Variants in SS18L1 observed in about 807,000 individuals in gnomAD.
SS18L1 encodes SS18L1 subunit of BAF chromatin remodeling complex.
In SS18L1, 32 loss-of-function variants were observed where a neutral mutation model predicts 70.3. The ratio of observed to expected loss-of-function variants is 0.46; its 90% CI spans 0.34 to 0.61. SS18L1 has a LOEUF of 0.61. Ranked by LOEUF, SS18L1 falls within the 20% of genes least tolerant of loss-of-function variation. The pLI is 0.01. For synonymous variants in SS18L1, 237 were observed against 229.7 expected, an observed-to-expected ratio of 1.03 and a Z score of -0.29; for missense variants, 430 against 542.1, an observed-to-expected ratio of 0.79 and a Z score of 2.05.
At chr20:62,146,209 G>A (rs1171491672) in intron 1 of SS18L1, among the ~76,000 whole-genome samples, 6 of 152,290 alleles carry the variant, frequency 3.9e-5, no homozygotes, top group Middle Eastern at 3.4e-3. Flanking sequence ...CACGTGTTCC[G>A]CGTCTCATGC....
chr20:62,182,171 G>T lies in SS18L1; in HGVS notation c.*2963G>T, dbSNP rs2145808122. 1 of 224,704 alleles carries T rather than the reference G, an allele frequency of 4.5e-6. No individual in the cohort carries two copies. Among genetic ancestry groups the T allele is most frequent in the East Asian group, 6.4e-5 (1 of 15,510 alleles). 13.9% of individuals were successfully genotyped at this position (224,704 alleles called of 1,614,324 possible). A position where few individuals can be genotyped will look rare whatever the true frequency, so the allele number is the denominator to read the frequency against. Reference sequence around the variant, plus strand: ...GACAAGATCTCCTAAGATCTGAAAAGAAACCTTAATACGCTCATATGGTTG... The same window carrying T: ...GACAAGATCTCCTAAGATCTGAAAATAAACCTTAATACGCTCATATGGTTG... On this transcript the variant is annotated 3_prime_UTR_variant, in exon 11 of 11. Transcript: ENST00000331758.
At position 62,174,963 on chromosome 20, in the gene SS18L1, G is replaced by C; in HGVS notation, c.1164+319G>C. ...GTCTCTGCTGAGTGCTTGGTGTGTGGCCGCGACACGAACCCTGCACTTTTA... is the reference window on the plus strand; with the variant it reads ...GTCTCTGCTGAGTGCTTGGTGTGTGCCCGCGACACGAACCCTGCACTTTTA... On this transcript the variant is annotated intron_variant, in intron 10 of 10. Transcript: ENST00000331758. The surrounding 1 kb of genome is among the most constrained non-coding windows in gnomAD (Gnocchi z 4.1). 1 of 949,850 alleles carries C rather than the reference G, an allele frequency of 1.1e-6. No individual in the cohort carries two copies. The highest frequency in any genetic ancestry group is 1.3e-6 in the Non-Finnish European group (1 of 797,616). The allele number at this position is 949,850 out of a possible 1,614,324, so 58.8% of individuals were successfully genotyped here.
chr20:62,155,681 C>T (rs765447511), intron 1 of SS18L1, among the ~76,000 whole-genome samples: 1 of 152,190 alleles, frequency 6.6e-6, no homozygotes, highest in African/African-American at 2.4e-5. Context: ...TCCTCCAACC[C>T]CATCTCCTGC....
chr20:62,162,989 C>CA lies in SS18L1; in HGVS notation c.556+59dup, dbSNP rs1016328883. On this transcript the variant is annotated intron_variant, in intron 5 of 10. Coordinates refer to ENST00000331758, the MANE Select transcript of SS18L1 (RefSeq NM_198935.3). ...CTGGGCCTGCCTCCAAGACCCTTGA[C>CA]ACATGCACGTTGGACATGTGGTCCC... The CA allele has an allele frequency of 3.8e-6, 6 of 1,578,388 alleles. 1 individual carries two copies. The highest frequency in any genetic ancestry group is 5.2e-6 in the Non-Finnish European group (6 of 1,161,846).
At position 62,159,866 on chromosome 20, in the gene SS18L1, C is replaced by A. The variant is rs1003206950; in HGVS notation, c.147-11C>A. ...CGTCGTCCTGCCTCATGCGTGCCCC[C>A]TCTCCTGCAGGTACCAGCAGATCCT... On this transcript the variant is annotated splice_polypyrimidine_tract_variant and intron_variant, in intron 2 of 10. Transcript: ENST00000331758. The surrounding 1 kb of genome is among the most constrained non-coding windows in gnomAD (Gnocchi z 4.4). 2 of 1,611,662 alleles carry A rather than the reference C, an allele frequency of 1.2e-6. No homozygotes were observed. Among genetic ancestry groups the A allele is most frequent in the Non-Finnish European group, 1.7e-6 (2 of 1,179,564 alleles).
chr20:62,148,028 A>C (rs956650136), intron 1 of SS18L1, among the ~76,000 whole-genome samples: 1 of 152,166 alleles, frequency 6.6e-6, no homozygotes, highest in Admixed American at 6.5e-5. Context: ...CCAGTGACTG[A>C]ATGGCTTGGG....
intron 1 of SS18L1, among the ~76,000 whole-genome samples, chr20:62,144,285 G>C (rs1292599827): frequency 6.6e-6 from 1 of 152,052 alleles, no homozygotes; most frequent in African/African-American, 2.4e-5. Flanking sequence ...GAGCCGCGGC[G>C]AGGGCTTGTC....
rs1043036497 is a variant in SS18L1 at position 62,156,163 on chromosome 20, G to A, written c.70-2509G>A. Among the ~76,000 whole-genome samples, 42 of 152,188 alleles carry A rather than the reference G, an allele frequency of 2.8e-4. 1 individual carries two copies. The highest frequency in any genetic ancestry group is 3.4e-3 in the Middle Eastern group (1 of 294). On this transcript the variant is annotated intron_variant, in intron 1 of 10. Coordinates refer to ENST00000331758, the MANE Select transcript of SS18L1 (RefSeq NM_198935.3). Reference sequence around the variant, plus strand: ...TGGCTTGCGCCCCCCGGCCCATCCCGGCCCCGTGCTGGGAGTGATGCTGAA... The same window carrying A: ...TGGCTTGCGCCCCCCGGCCCATCCCAGCCCCGTGCTGGGAGTGATGCTGAA...
At chr20:62,169,678 C>G (rs997918461) in intron 8 of SS18L1, among the ~76,000 whole-genome samples, 1 of 151,964 alleles carries the variant, frequency 6.6e-6, no homozygotes, top group African/African-American at 2.4e-5. Context: ...GCTTGTGAGG[C>G]TGAGGTATGA....
Position 62,158,305 on chromosome 20 carries a change from A to C in SS18L1, c.70-367A>C, listed in dbSNP as rs1438514313. On this transcript the variant is annotated intron_variant, in intron 1 of 10. Coordinates refer to ENST00000331758, the MANE Select transcript of SS18L1 (RefSeq NM_198935.3). This position sits in a 1 kb window ranked among gnomAD's most constrained non-coding sequence, Gnocchi z 4.5. ...TACGGATGAAGTCCCCAGCACAGGG[A>C]GGTGTGAATGTTCGGTCTGTGGTGG... is the stretch of plus-strand genomic sequence containing the variant. Among the ~76,000 whole-genome samples the C allele has an allele frequency of 6.6e-6, 1 of 151,440 alleles. No individual in the cohort carries two copies. The highest frequency in any genetic ancestry group is 1.9e-4 in the East Asian group (1 of 5,158).
chr20:62,146,777 G>A (rs999278444), intron 1 of SS18L1, among the ~76,000 whole-genome samples: 3 of 151,820 alleles, frequency 2.0e-5, no homozygotes, highest in African/African-American at 7.3e-5. Context: ...GTGCCACCAC[G>A]CCCGGCTAAT....
At chr20:62,175,611 G>A (rs2057607234) in intron 10 of SS18L1, among the ~76,000 whole-genome samples, 1 of 152,212 alleles carries the variant, frequency 6.6e-6, no homozygotes, top group African/African-American at 2.4e-5. Flanking sequence ...GTGGCTCTGT[G>A]TTGGTGACTC....
At chr20:62,163,398 T>C in intron 5 of SS18L1, 60 bp from the exon 6 acceptor site, 9 of 1,511,708 alleles carry the variant, frequency 6.0e-6, no homozygotes, top group Non-Finnish European at 8.0e-6. Context: ...GGTAGTTGGG[T>C]GTGGGAGGGA....
At chr20:62,170,228 G>A (rs2057506226) in intron 8 of SS18L1, among the ~76,000 whole-genome samples, 1 of 152,228 alleles carries the variant, frequency 6.6e-6, no homozygotes, top group South Asian at 2.1e-4. Context: ...GAAAAGAGCT[G>A]GGCACGGTGG....
At chr20:62,149,271 A>G (rs1362523270) in intron 1 of SS18L1, among the ~76,000 whole-genome samples, 1 of 152,226 alleles carries the variant, frequency 6.6e-6, no homozygotes, top group Non-Finnish European at 1.5e-5. Context: ...GAGGGAGTGC[A>G]GGTCTTCCCG....
At chr20:62,169,976 T>A (rs6142966) in intron 8 of SS18L1, among the ~76,000 whole-genome samples, 19,482 of 152,122 alleles carry the variant, frequency 0.13, 1,773 homozygotes, top group African/African-American at 0.25. Context: ...CCTGTGGGAC[T>A]CATCTTCCCT....
chr20:62,177,579 T>C (rs2057642435), intron 10 of SS18L1, among the ~76,000 whole-genome samples: 1 of 152,220 alleles, frequency 6.6e-6, no homozygotes, highest in Admixed American at 6.5e-5. Context: ...AGAACAGGCA[T>C]GCAGATGATG....
At chr20:62,163,712 G>T (rs993732941) in intron 6 of SS18L1, 90 bp downstream of exon 6, 47 of 1,426,188 alleles carry the variant, frequency 3.3e-5, no homozygotes, top group Admixed American at 5.2e-5. Context: ...CGGGGAGCCT[G>T]GGGGAGTGAG....
At position 62,178,016 on chromosome 20, in the gene SS18L1, C is replaced by CTTTT. The variant is rs770157620; in HGVS notation, c.1165-1148_1165-1145dup. On this transcript the variant is annotated intron_variant, in intron 10 of 10. Transcript: ENST00000331758. Reference sequence around the variant, plus strand: ...ACAGGCATGAGCCACTGTGCCTGGCCTTTTTTTTTTTTTTTTTTTTTAAGA... The same window carrying CTTTT: ...ACAGGCATGAGCCACTGTGCCTGGCCTTTTTTTTTTTTTTTTTTTTTTTTTAAGA... Among the ~76,000 whole-genome samples the CTTTT allele has an allele frequency of 2.0e-3, 207 of 101,362 alleles. 5 individuals are homozygous for CTTTT. Among genetic ancestry groups the CTTTT allele is most frequent in the African/African-American group, 6.2e-3 (156 of 24,966 alleles). The allele number at this position is 101,362 out of a possible 152,430, so 66.5% of individuals were successfully genotyped here.
Sources: gnomAD v4.1 joint callset for allele counts (sites outside exome capture counted in the v4.1 genomes callset) on GRCh38, gnomAD v4.1.1 for gene constraint, Gnocchi (gnomAD v3.1) non-coding constraint, MANE v1.5 for transcripts, NCBI Gene and HGNC (gene_info 2026-07-23, HGNC 2026-07-21) for gene names.